The following TASP1 variants were observed in gnomAD, a reference collection of about 807,000 sequenced individuals.
TASP1 encodes threonine aspartase 1.
A neutral mutation model predicts 56.6 loss-of-function variants in TASP1; 16 were observed. The ratio of observed to expected loss-of-function variants is 0.28; its 90% CI spans 0.19 to 0.43. The LOEUF (loss-of-function observed/expected upper bound fraction) is 0.43. Among genes scored for constraint, TASP1 ranks in the 20% least tolerant of loss-of-function variants. The pLI, the probability that TASP1 is intolerant of heterozygous loss-of-function variation, is 1.00. For synonymous variants in TASP1, 179 were observed against 184.2 expected (o/e 0.97, Z 0.23); for missense variants, 393 against 511.6 (o/e 0.77, Z 2.24).
At chr20:13,499,101 A>C (rs2043847295) in intron 10 of TASP1, among the ~76,000 whole-genome samples, 1 of 152,224 alleles carries the variant, frequency 6.6e-6, no homozygotes, top group Non-Finnish European at 1.5e-5. Flanking sequence ...AAAATGTGGT[A>C]CATATACGCC....
At chr20:13,170,731 G>A in the TASP1 span, among the ~76,000 whole-genome samples, 6 of 152,112 alleles carry the variant, frequency 3.9e-5, no homozygotes, top group Non-Finnish European at 7.4e-5. Flanking sequence ...GGTTTGGGTC[G>A]GCTGCAGTGC....
At chr20:13,604,328 A>G (rs1001159201) in intron 4 of TASP1, among the ~76,000 whole-genome samples, 1 of 152,132 alleles carries the variant, frequency 6.6e-6, no homozygotes, top group Non-Finnish European at 1.5e-5. Flanking sequence ...TTTTCACTGT[A>G]TGAGTCCATG....
chr20:13,324,862 G>C, the TASP1 span, among the ~76,000 whole-genome samples: 14 of 152,186 alleles, frequency 9.2e-5, no homozygotes, highest in Non-Finnish European at 7.3e-5. Context: ...TTTTCTGGAT[G>C]AGAAAATTAA....
intron 13 of TASP1, among the ~76,000 whole-genome samples, chr20:13,402,609 G>C (rs1429584853): frequency 6.6e-6 from 1 of 152,202 alleles, no homozygotes; most frequent in Non-Finnish European, 1.5e-5. Context: ...TCCCGCCAGG[G>C]ATCAGATGCC....
the TASP1 span, among the ~76,000 whole-genome samples, chr20:13,306,829 G>A: frequency 6.6e-6 from 1 of 152,108 alleles, no homozygotes; most frequent in African/African-American, 2.4e-5. Context: ...CCAAGGGATG[G>A]GGACTCTGGT....
chr20:13,444,404 C>T (rs1186547946), intron 11 of TASP1, among the ~76,000 whole-genome samples: 1 of 152,154 alleles, frequency 6.6e-6, no homozygotes, highest in African/African-American at 2.4e-5. Flanking sequence ...GAATGCCATT[C>T]TCTCTTTGAG....
the TASP1 span, among the ~76,000 whole-genome samples, chr20:13,243,593 G>A: frequency 6.6e-6 from 1 of 152,108 alleles, no homozygotes; most frequent in African/African-American, 2.4e-5. Context: ...GCAGTAAAAC[G>A]ACCATCTGAA....
At chr20:13,479,286 C>G (rs1173787505) in intron 11 of TASP1, among the ~76,000 whole-genome samples, 2 of 151,724 alleles carry the variant, frequency 1.3e-5, no homozygotes, top group Non-Finnish European at 2.9e-5. Context: ...AAAGAAAAAA[C>G]AAAGGAAGCA....
At chr20:13,211,923 G>A in the TASP1 span, among the ~76,000 whole-genome samples, 7 of 152,150 alleles carry the variant, frequency 4.6e-5, no homozygotes, top group Middle Eastern at 3.4e-3. Context: ...CTTGTGGCAC[G>A]AAGTTGAAAA....
chr20:13,608,638 G>T (rs1479945293), intron 4 of TASP1, among the ~76,000 whole-genome samples: 2 of 152,208 alleles, frequency 1.3e-5, no homozygotes, highest in Admixed American at 1.3e-4. Flanking sequence ...CTTCTCTGGT[G>T]TCATGAAATA....
the TASP1 span, among the ~76,000 whole-genome samples, chr20:13,145,767 G>T: frequency 1.3e-5 from 2 of 152,160 alleles, no homozygotes; most frequent in African/African-American, 4.8e-5. Context: ...AACCAAAACA[G>T]CATGATACTG....
the TASP1 span, among the ~76,000 whole-genome samples, chr20:13,347,827 G>A: frequency 6.7e-6 from 1 of 149,914 alleles, no homozygotes; most frequent in East Asian, 1.9e-4. Context: ...GGGCGACATA[G>A]CGAGACTTTG....
chr20:13,620,966 G>A (rs1310263239), intron 4 of TASP1, among the ~76,000 whole-genome samples: 3 of 152,170 alleles, frequency 2.0e-5, no homozygotes, highest in East Asian at 3.8e-4. Context: ...AGAAACTGCA[G>A]GGGGAAGTAT....
the TASP1 span, chr20:13,153,961 T>C: frequency 6.2e-7 from 1 of 1,606,952 alleles, no homozygotes; most frequent in African/African-American, 1.3e-5. Flanking sequence ...ACTTCCCTCT[T>C]TCTAGTGGGA....
At chr20:13,478,374 C>CACACACACACAT (rs56698233) in intron 11 of TASP1, among the ~76,000 whole-genome samples, 23 of 151,408 alleles carry the variant, frequency 1.5e-4, no homozygotes, top group African/African-American at 4.1e-4. Flanking sequence ...CACACACACA[C>CACACACACACAT]GAATACTATT....
chr20:13,497,318 AG>A (rs1601004356), intron 10 of TASP1, among the ~76,000 whole-genome samples: 1 of 152,220 alleles, frequency 6.6e-6, no homozygotes, highest in African/African-American at 2.4e-5. Flanking sequence ...AGTAAAAAAG[AG>A]CTGAAAGAAA....
At chr20:13,450,252 C>A (rs994541484) in intron 11 of TASP1, among the ~76,000 whole-genome samples, 3 of 152,008 alleles carry the variant, frequency 2.0e-5, no homozygotes, top group African/African-American at 7.2e-5. Flanking sequence ...GGTCTTGCCT[C>A]GATGTTGAAG....
chr20:13,520,892 T>G (rs963325141), intron 10 of TASP1, among the ~76,000 whole-genome samples: 17 of 151,944 alleles, frequency 1.1e-4, no homozygotes, highest in African/African-American at 2.7e-4. Flanking sequence ...AGGGCTAATA[T>G]CCAGAATCTA....
At chr20:13,305,523 G>A in the TASP1 span, among the ~76,000 whole-genome samples, 1 of 152,200 alleles carries the variant, frequency 6.6e-6, no homozygotes, top group African/African-American at 2.4e-5. Flanking sequence ...ATTTCCAATG[G>A]AAAAATGTGT....
Sources: allele counts gnomAD v4.1 joint callset (sites outside exome capture counted in the v4.1 genomes callset), GRCh38; gene constraint gnomAD v4.1.1; transcripts MANE v1.5; gene names NCBI Gene and HGNC (gene_info 2026-07-23, HGNC 2026-07-21).